The following FRYL variants were observed in gnomAD, a reference collection of about 807,000 sequenced individuals.
The protein encoded by FRYL is FRY like transcription coactivator, also known as protein furry homolog-like.
Under a neutral mutation model 351.2 loss-of-function variants are expected in FRYL, and 150 were observed. That is an observed-to-expected ratio of 0.43 (90% CI 0.37 to 0.49). The LOEUF is 0.49. FRYL is among the 20% of genes least tolerant of loss of function. The pLI is 0.00. For missense variants in FRYL, 3,036 were observed against 3,619.3 expected, an observed-to-expected ratio of 0.84 and a Z score of 4.13; for synonymous variants, 1,153 against 1,257.1, an observed-to-expected ratio of 0.92 and a Z score of 1.75.
In FRYL at chr4:48,623,154, T is replaced by C; in HGVS notation, c.146A>G (p.Gln49Arg). 6.4e-7 allele frequency: 1 copy of C among 1,569,294 alleles called. No individual in the cohort carries two copies. The highest frequency in any genetic ancestry group is 1.2e-5 in the South Asian group (1 of 83,834). Residue 49 changes from glutamine (Q) to arginine (R), a missense_variant, in exon 5 of 64, where the codon CAG becomes CGG. By Grantham distance (43) the Gln-to-Arg change is conservative. Around this residue, in one of 7 missense-constraint regions of FRYL, gnomAD observed 457 missense variants for 566.6 expected, o/e 0.81. Transcript: ENST00000358350. ...PLEKLLSRSL[Q>R]RGEDLQFDQL... Reference sequence around the variant, plus strand: ...ATCAAACTGAAGATCTTCACCCCTCTGAAGAGATCTGGACAATAGCTTCTC... The same window carrying C: ...ATCAAACTGAAGATCTTCACCCCTCCGAAGAGATCTGGACAATAGCTTCTC...
chr4:48,546,291 A>G lies in FRYL; in HGVS notation c.5075-20T>C, dbSNP rs778737963. 3.2e-6 allele frequency: 5 copies of G among 1,560,556 alleles called. No individual in the cohort carries two copies. The highest frequency in any genetic ancestry group is 4.4e-6 in the Non-Finnish European group (5 of 1,132,532). Reference sequence around the variant, plus strand: ...TGCCTGCTGAAAGAGAAAGATCGTCATGAATACCTAAAACATGAAAGAATC... The same window carrying G: ...TGCCTGCTGAAAGAGAAAGATCGTCGTGAATACCTAAAACATGAAAGAATC... On this transcript the variant is annotated intron_variant, in intron 41 of 63. Coordinates refer to ENST00000358350, the MANE Select transcript of FRYL (RefSeq NM_015030.2).
Position 48,565,528 on chromosome 4 carries a change from T to A in FRYL, c.3330+3A>T, listed in dbSNP as rs2149078697. ...AAAAGAAATCAGGTTTCTAAGTAAA[T>A]ACCTTTAACGCACAGTATTGATGTC... On this transcript the variant is annotated splice_donor_region_variant and intron_variant, in intron 29 of 63. Transcript: ENST00000358350. 1 of 1,541,766 alleles carries A rather than the reference T, an allele frequency of 6.5e-7. No individual in the cohort carries two copies. Among genetic ancestry groups the A allele is most frequent in the Non-Finnish European group, 8.7e-7 (1 of 1,148,754 alleles).
chr4:48,555,236 C>G (rs1299512677), intron 35 of FRYL, among the ~76,000 whole-genome samples: 1 of 152,138 alleles, frequency 6.6e-6, no homozygotes, highest in Non-Finnish European at 1.5e-5. Context: ...CTCTAACTCC[C>G]CCATTCGTTC....
At chr4:48,522,809 T>C in intron 54 of FRYL, 92 bp downstream of exon 54, 1 of 947,346 alleles carries the variant, frequency 1.1e-6, no homozygotes, top group Non-Finnish European at 1.7e-6. Flanking sequence ...AGTGTGTGCA[T>C]TTCACCCATG....
In FRYL at chr4:48,499,486, AC is replaced by A. The variant is rs1268050678; in HGVS notation, c.8977del (p.Val2993CysfsTer7). ...NLEIRESLRM[V>X]QSYQLLAQAK... ...CTGTGCTAGAAGTTGGTATGATTGC[AC>A]CATGCGTAGAGACTCTCTTATTTCC... On this transcript the variant is annotated frameshift_variant, in exon 64 of 64. Coordinates refer to ENST00000358350, the MANE Select transcript of FRYL (RefSeq NM_015030.2). LOFTEE classifies it high-confidence loss of function. 23 of 1,613,902 alleles carry A rather than the reference AC, an allele frequency of 1.4e-5. No individual in the cohort carries two copies. The highest frequency in any genetic ancestry group is 1.9e-5 in the Non-Finnish European group (23 of 1,179,884).
intron 1 of FRYL, among the ~76,000 whole-genome samples, chr4:48,779,262 G>T (rs1776366534): frequency 6.6e-6 from 1 of 152,316 alleles, no homozygotes; most frequent in Admixed American, 6.5e-5. Flanking sequence ...AGAGCTCAGC[G>T]CCCAGGCACC....
intron 55 of FRYL, among the ~76,000 whole-genome samples, chr4:48,519,427 T>C (rs1352380932): frequency 6.6e-6 from 1 of 152,148 alleles, no homozygotes; most frequent in Non-Finnish European, 1.5e-5. Flanking sequence ...AGCTGATCAC[T>C]TTCCTCTCAG....
Position 48,719,015 on chromosome 4 carries a change from G to A in FRYL, c.-383-8317C>T, listed in dbSNP as rs1217847520. Among the ~76,000 whole-genome samples the A allele has an allele frequency of 2.6e-5, 4 of 151,420 alleles. 1 individual carries two copies. Among genetic ancestry groups the A allele is most frequent in the East Asian group, 1.9e-4 (1 of 5,168 alleles). ...TTTCTAATGACTGCAAAAGAATTCC[G>A]AGTGGTCACTCTAACTGATCTTTGG... On this transcript the variant is annotated intron_variant, in intron 1 of 63. Coordinates refer to ENST00000358350, the MANE Select transcript of FRYL (RefSeq NM_015030.2).
intron 55 of FRYL, among the ~76,000 whole-genome samples, chr4:48,517,969 C>T (rs1408986309): frequency 6.6e-6 from 1 of 152,080 alleles, no homozygotes; most frequent in East Asian, 1.9e-4. Context: ...GTACAAGAGG[C>T]AATTTTGGGT....
intron 1 of FRYL, among the ~76,000 whole-genome samples, chr4:48,744,497 T>C (rs1377154312): frequency 6.6e-6 from 1 of 152,190 alleles, no homozygotes; most frequent in Non-Finnish European, 1.5e-5. Flanking sequence ...CAAAGAAATG[T>C]TAGAGAATGG....
intron 35 of FRYL, among the ~76,000 whole-genome samples, chr4:48,554,622 A>C (rs1367281625): frequency 2.0e-5 from 3 of 152,242 alleles, no homozygotes; most frequent in African/African-American, 7.2e-5. Context: ...TACAGGCGTG[A>C]GCCACAGCAC....
chr4:48,527,956 T>C lies in FRYL; in HGVS notation c.7140+15A>G, dbSNP rs1345472699. 2 of 1,544,080 alleles carry C rather than the reference T, an allele frequency of 1.3e-6. No homozygotes were observed. The highest frequency in any genetic ancestry group is 8.7e-7 in the Non-Finnish European group (1 of 1,148,584). On this transcript the variant is annotated intron_variant, in intron 52 of 63. Coordinates refer to ENST00000358350, the MANE Select transcript of FRYL (RefSeq NM_015030.2). ...GATCTTTAAGACCTTGACACAGGTC[T>C]TCATGATTACTCACTGATGGGTTCT... is the stretch of plus-strand genomic sequence containing the variant.
At chr4:48,663,987 C>T (rs1233144736) in intron 3 of FRYL, among the ~76,000 whole-genome samples, 4 of 152,054 alleles carry the variant, frequency 2.6e-5, no homozygotes, top group Non-Finnish European at 5.9e-5. Flanking sequence ...TCAGGGAAGG[C>T]CACTCTGTGG....
chr4:48,627,996 C>A (rs1156293659), intron 4 of FRYL, among the ~76,000 whole-genome samples: 2 of 152,164 alleles, frequency 1.3e-5, no homozygotes, highest in Non-Finnish European at 2.9e-5. Flanking sequence ...GTCTCGAATG[C>A]CTGACCTCAG....
intron 7 of FRYL, among the ~76,000 whole-genome samples, chr4:48,617,102 A>C (rs1246670310): frequency 6.6e-6 from 1 of 152,158 alleles, no homozygotes; most frequent in Admixed American, 6.5e-5. Flanking sequence ...ATACATATAA[A>C]TGTATATATT....
chr4:48,564,158 T>A, intron 30 of FRYL, 56 bp from the exon 31 acceptor site: 7 of 1,580,008 alleles, frequency 4.4e-6, no homozygotes, highest in Non-Finnish European at 6.0e-6. Context: ...TTTTGTCTAT[T>A]TCCCTATAGT....
At chr4:48,697,365 CT>C (rs1217552037) in intron 2 of FRYL, among the ~76,000 whole-genome samples, 1 of 152,144 alleles carries the variant, frequency 6.6e-6, no homozygotes, top group Admixed American at 6.6e-5. Context: ...TGTTTACAAA[CT>C]TTTTTTACTT....
At position 48,548,797 on chromosome 4, in the gene FRYL, T is replaced by C; in HGVS notation, c.4785-4A>G. On this transcript the variant is annotated splice_region_variant and splice_polypyrimidine_tract_variant and intron_variant, in intron 39 of 63. Transcript: ENST00000358350. Reference sequence around the variant, plus strand: ...AAGGATCACTGCTATGTTACACCTATGACAAATAAGAGTTTCATTAACGTT... The same window carrying C: ...AAGGATCACTGCTATGTTACACCTACGACAAATAAGAGTTTCATTAACGTT... 6.5e-7 allele frequency: 1 copy of C among 1,545,278 alleles called. No individual in the cohort carries two copies. Among genetic ancestry groups the C allele is most frequent in the Non-Finnish European group, 8.9e-7 (1 of 1,128,254 alleles).
intron 7 of FRYL, among the ~76,000 whole-genome samples, chr4:48,614,815 CTTTTTTTTTTTTTTTT>C (rs369399363): frequency 7.4e-5 from 5 of 67,930 alleles, no homozygotes; most frequent in African/African-American, 1.8e-4. Flanking sequence ...AAGTTTAATG[CTTTTTTTTTTTTTTTT>C]TTTTTTTTTT....
Sources: gnomAD v4.1 joint callset for allele counts (sites outside exome capture counted in the v4.1 genomes callset) on GRCh38, gnomAD v4.1.1 for gene constraint, gnomAD v4.1.1 regional missense constraint, MANE v1.5 for transcripts, NCBI Gene and HGNC (gene_info 2026-07-23, HGNC 2026-07-21) for gene names.